MCC: variants seen among roughly 807,000 people sequenced by gnomAD.
MCC encodes the protein colorectal mutant cancer protein.
In MCC, 90 loss-of-function variants were observed where a neutral mutation model predicts 116.2. That is an observed-to-expected ratio of 0.77 (90% CI 0.65 to 0.92). The LOEUF is 0.92. MCC is among the 40% of genes least tolerant of loss of function. The probability of loss-of-function intolerance (pLI) is 0.00; values close to 1 mark genes in which losing one functional copy is unlikely to be tolerated. For synonymous variants in MCC, 578 were observed against 510.5 expected (o/e 1.13, Z -1.78); for missense variants, 1,516 against 1,312.2 (o/e 1.16, Z -2.40).
chr5:113,082,292 A>T (rs960256035), intron 11 of MCC, among the ~76,000 whole-genome samples: 2 of 152,260 alleles, frequency 1.3e-5, no homozygotes, highest in African/African-American at 4.8e-5. Flanking sequence ...GAAGAACATA[A>T]ATAAAACTAG....
In MCC at chr5:113,074,080, C is replaced by T. The variant is rs146640921; in HGVS notation, c.1785-2846G>A. ...AGCTCTGAGAATGGATAGACTGCCT[C>T]CTCAAGTGGGTCCCTGACCCCTGAG... On this transcript the variant is annotated intron_variant, in intron 11 of 18. Transcript: ENST00000408903. 1.0e-2 allele frequency among the ~76,000 whole-genome samples: 1,517 copies of T among 152,344 alleles called. 24 individuals are homozygous for T. The highest frequency in any genetic ancestry group is 0.035 in the African/African-American group (1,435 of 41,570).
chr5:113,360,367 T>C (rs1768516576), intron 2 of MCC, among the ~76,000 whole-genome samples: 2 of 152,236 alleles, frequency 1.3e-5, no homozygotes, highest in African/African-American at 4.8e-5. Flanking sequence ...ACTCTAAATC[T>C]TGTTTATATA....
At chr5:113,196,718 A>C (rs1011662026) in intron 3 of MCC, among the ~76,000 whole-genome samples, 1 of 152,138 alleles carries the variant, frequency 6.6e-6, no homozygotes, top group South Asian at 2.1e-4. Context: ...GCGTGGTGGC[A>C]CATGCCTGTA....
chr5:113,112,811 T>C (rs903376759), intron 6 of MCC, among the ~76,000 whole-genome samples: 1 of 152,228 alleles, frequency 6.6e-6, no homozygotes, highest in Non-Finnish European at 1.5e-5. Flanking sequence ...GTAAAATAAA[T>C]GGAAGACTTT....
chr5:113,284,993 C>A (rs1223976623), intron 3 of MCC, among the ~76,000 whole-genome samples: 1 of 152,162 alleles, frequency 6.6e-6, no homozygotes, highest in African/African-American at 2.4e-5. Context: ...AACCATCAAT[C>A]AAGGGAAAGC....
At chr5:113,031,960 A>C (rs562902396) in intron 17 of MCC, among the ~76,000 whole-genome samples, 2 of 152,330 alleles carry the variant, frequency 1.3e-5, no homozygotes, top group South Asian at 4.1e-4. Flanking sequence ...ATGGGAGTGA[A>C]CCGCTGGGAG....
intron 3 of MCC, chr5:113,294,263 G>C: frequency 6.2e-7 from 1 of 1,609,158 alleles, no homozygotes; most frequent in Non-Finnish European, 8.5e-7. Context: ...GAGGTCGAGG[G>C]GAGGGGGATT....
At chr5:113,117,877 G>C (rs1294358477) in intron 6 of MCC, among the ~76,000 whole-genome samples, 5 of 152,170 alleles carry the variant, frequency 3.3e-5, no homozygotes, top group Non-Finnish European at 5.9e-5. Context: ...TCACTATTAA[G>C]CCAGGTGCTT....
At chr5:113,079,625 A>T (rs1754712120) in intron 11 of MCC, among the ~76,000 whole-genome samples, 1 of 152,358 alleles carries the variant, frequency 6.6e-6, no homozygotes, top group Middle Eastern at 3.4e-3. Flanking sequence ...CTGAAACTGG[A>T]TCCCTTCCTT....
chr5:113,063,640 GC>G (rs1311539241), intron 14 of MCC, among the ~76,000 whole-genome samples: 1 of 152,206 alleles, frequency 6.6e-6, no homozygotes, highest in African/African-American at 2.4e-5. Flanking sequence ...TACCCTAAGT[GC>G]TTCCTGGAAA....
At chr5:113,263,736 C>CG (rs1352681764) in intron 3 of MCC, among the ~76,000 whole-genome samples, 5 of 152,082 alleles carry the variant, frequency 3.3e-5, no homozygotes, top group African/African-American at 1.2e-4. Context: ...CTATTACCTA[C>CG]GGGGGTTATC....
intron 3 of MCC, among the ~76,000 whole-genome samples, chr5:113,296,299 G>T (rs530194840): frequency 6.6e-6 from 1 of 152,280 alleles, no homozygotes; most frequent in South Asian, 2.1e-4. Flanking sequence ...CTGCCCTGAA[G>T]GTGTTTATAG....
At chr5:113,356,015 C>T (rs1768401565) in intron 2 of MCC, among the ~76,000 whole-genome samples, 1 of 151,834 alleles carries the variant, frequency 6.6e-6, no homozygotes, top group African/African-American at 2.4e-5. Context: ...GCCATCATAT[C>T]TGCCACTACA....
intron 1 of MCC, among the ~76,000 whole-genome samples, chr5:113,430,616 G>C (rs1233192343): frequency 6.6e-6 from 1 of 152,200 alleles, no homozygotes; most frequent in African/African-American, 2.4e-5. Context: ...TGTTCTAGTG[G>C]GAATCAGAAA....
intron 17 of MCC, 141 bp from the exon 18 acceptor site, chr5:113,029,197 C>G: frequency 1.5e-6 from 1 of 659,430 alleles, no homozygotes; most frequent in Non-Finnish European, 2.4e-6. Flanking sequence ...ACTAAAGGGC[C>G]CAACAGCGCT....
At chr5:113,032,987 T>TA (rs1229555099) in intron 17 of MCC, among the ~76,000 whole-genome samples, 10 of 152,234 alleles carry the variant, frequency 6.6e-5, no homozygotes, top group African/African-American at 2.4e-4. Flanking sequence ...GAAGTAACCA[T>TA]AAAAATGGGC....
chr5:113,411,719 G>A (rs1769997922), intron 1 of MCC, among the ~76,000 whole-genome samples: 1 of 152,108 alleles, frequency 6.6e-6, no homozygotes, highest in Admixed American at 6.5e-5. Context: ...CATTCTGTAG[G>A]TTGCCTGTTC....
intron 3 of MCC, among the ~76,000 whole-genome samples, chr5:113,259,273 T>A (rs1053819323): frequency 4.6e-5 from 7 of 152,216 alleles, no homozygotes; most frequent in African/African-American, 1.7e-4. Context: ...TGCCCCATTG[T>A]TACAGATGAA....
intron 6 of MCC, among the ~76,000 whole-genome samples, chr5:113,111,310 T>A (rs1442808464): frequency 2.0e-5 from 3 of 152,162 alleles, no homozygotes; most frequent in African/African-American, 7.2e-5. Flanking sequence ...TATCTTTGGG[T>A]ATTCCAGTTT....
Sources: allele counts gnomAD v4.1 joint callset (sites outside exome capture counted in the v4.1 genomes callset), GRCh38; gene constraint gnomAD v4.1.1; transcripts MANE v1.5; gene names NCBI Gene and HGNC (gene_info 2026-07-23, HGNC 2026-07-21).